ACER3: variants seen among roughly 807,000 people sequenced by gnomAD.
The protein encoded by ACER3 is alkCDase 3.
Under a neutral mutation model 48.9 loss-of-function variants are expected in ACER3, and 16 were observed. That is an observed-to-expected ratio of 0.33 (90% confidence interval 0.22 to 0.50). ACER3 has a LOEUF of 0.50. Among genes scored for constraint, ACER3 ranks in the 20% least tolerant of loss-of-function variants. ACER3 has a pLI of 0.98. For missense variants in ACER3, 227 were observed against 326.0 expected, an observed-to-expected ratio of 0.70 and a Z score of 2.34; for synonymous variants, 109 against 107.8, an observed-to-expected ratio of 1.01 and a Z score of -0.07.
intron 3 of ACER3, among the ~76,000 whole-genome samples, chr11:76,964,883 G>T (rs1948097174): frequency 6.6e-6 from 1 of 151,214 alleles, no homozygotes; most frequent in Non-Finnish European, 1.5e-5. Context: ...AGAAAAACTG[G>T]AAACTAAAAA....
chr11:76,956,684 CT>C (rs11368601), intron 2 of ACER3, among the ~76,000 whole-genome samples: 106 of 142,306 alleles, frequency 7.4e-4, no homozygotes, highest in Middle Eastern at 7.3e-3. Flanking sequence ...TCCCATCTCA[CT>C]TTTTTTTTTT....
chr11:76,873,457 A>T (rs913158439), intron 1 of ACER3, among the ~76,000 whole-genome samples: 1 of 152,242 alleles, frequency 6.6e-6, no homozygotes, highest in African/African-American at 2.4e-5. Flanking sequence ...CAGTAACAGT[A>T]GGCTGATAAC....
rs568414687 is a variant in ACER3, at chr11:76,913,657, A to G, written c.104-12900A>G. Among the ~76,000 whole-genome samples, 350 of 152,354 alleles carry G rather than the reference A, an allele frequency of 2.3e-3. 3 individuals carry two copies. The highest frequency in any genetic ancestry group is 0.01 in the Middle Eastern group (3 of 294). ...AATTTATAGATTCAATGCCATCCGC[A>G]TCAAGCTACCAATGACTTTCTTCAC... On this transcript the variant is annotated intron_variant, in intron 1 of 10. Coordinates refer to ENST00000532485, the MANE Select transcript of ACER3 (RefSeq NM_018367.7).
At chr11:76,949,750 T>C (rs1171978161) in intron 2 of ACER3, among the ~76,000 whole-genome samples, 1 of 152,188 alleles carries the variant, frequency 6.6e-6, no homozygotes. Flanking sequence ...TGAAAACTGT[T>C]CTATGGTGCT....
chr11:76,979,898 G>A (rs927803315), intron 4 of ACER3, among the ~76,000 whole-genome samples: 1 of 150,598 alleles, frequency 6.6e-6, no homozygotes, highest in Non-Finnish European at 1.5e-5. Context: ...CAGCACTTTT[G>A]GAGGCCAAGG....
At chr11:76,902,774 G>T (rs972771271) in intron 1 of ACER3, among the ~76,000 whole-genome samples, 1 of 152,192 alleles carries the variant, frequency 6.6e-6, no homozygotes, top group African/African-American at 2.4e-5. Context: ...CTCACAGGGA[G>T]ATGATTAGTA....
chr11:76,879,968 G>A (rs113209651), intron 1 of ACER3, among the ~76,000 whole-genome samples: 1 of 151,960 alleles, frequency 6.6e-6, no homozygotes, highest in African/African-American at 2.4e-5. Context: ...GAATATATTG[G>A]CATAAAATTA....
chr11:77,016,901 T>A, intron 9 of ACER3, 122 bp downstream of exon 9: 1 of 527,824 alleles, frequency 1.9e-6, no homozygotes, highest in Non-Finnish European at 3.2e-6. Flanking sequence ...GAAAATTAAA[T>A]AGTACACTCT....
chr11:76,881,113 C>T lies in ACER3; in HGVS notation c.103+20034C>T, dbSNP rs573607649. 3.2e-3 allele frequency among the ~76,000 whole-genome samples: 481 copies of T among 151,928 alleles called. 6 individuals carry two copies. Among genetic ancestry groups the T allele is most frequent in the African/African-American group, 0.011 (452 of 41,418 alleles). On this transcript the variant is annotated intron_variant, in intron 1 of 10. Transcript: ENST00000532485. The stretch of plus-strand genomic sequence containing the variant: ...CTACAAAAATAAAAGAAATTAGCCC[C>T]GCATGGTGGTGCACACCTGTAGTCC...
intron 2 of ACER3, among the ~76,000 whole-genome samples, chr11:76,929,972 G>T (rs11237018): frequency 0.72 from 108,113 of 149,746 alleles, 39,502 homozygotes; most frequent in African/African-American, 0.78. Context: ...ATTAGGATGA[G>T]GCTGGCCTCA....
intron 5 of ACER3, among the ~76,000 whole-genome samples, chr11:76,986,755 A>G (rs1948692608): frequency 6.6e-6 from 1 of 152,156 alleles, no homozygotes; most frequent in South Asian, 2.1e-4. Flanking sequence ...TGAGAGTTCA[A>G]ATATTTATCC....
At chr11:76,996,443 A>G (rs1226430666) in intron 6 of ACER3, among the ~76,000 whole-genome samples, 2 of 151,276 alleles carry the variant, frequency 1.3e-5, no homozygotes, top group Admixed American at 6.6e-5. Context: ...TTTGAGACAG[A>G]GTCTTGCTCT....
intron 1 of ACER3, among the ~76,000 whole-genome samples, chr11:76,911,585 C>T (rs895170001): frequency 3.6e-4 from 55 of 152,086 alleles, no homozygotes; most frequent in African/African-American, 1.3e-3. Flanking sequence ...TTTTATCCAG[C>T]CAGTATTCAA....
At chr11:76,989,592 A>T (rs1009993914) in intron 5 of ACER3, among the ~76,000 whole-genome samples, 5 of 152,344 alleles carry the variant, frequency 3.3e-5, no homozygotes, top group African/African-American at 1.2e-4. Flanking sequence ...AAAGAGCAGC[A>T]TGTTTAAAAA....
chr11:76,948,692 T>TA (rs1947550508), intron 2 of ACER3, among the ~76,000 whole-genome samples: 1 of 152,214 alleles, frequency 6.6e-6, no homozygotes, highest in Non-Finnish European at 1.5e-5. Context: ...CTAGGTCCCT[T>TA]CTTATGCATT....
At chr11:77,015,760 T>G (rs1374471480) in intron 8 of ACER3, among the ~76,000 whole-genome samples, 4 of 152,118 alleles carry the variant, frequency 2.6e-5, no homozygotes. Flanking sequence ...ATCAACAAAA[T>G]TCAGACTGTG....
At chr11:76,921,821 A>T (rs1946692321) in intron 1 of ACER3, among the ~76,000 whole-genome samples, 1 of 152,180 alleles carries the variant, frequency 6.6e-6, no homozygotes, top group Non-Finnish European at 1.5e-5. Context: ...AACTGCAGTT[A>T]CGTGTTCAGA....
intron 3 of ACER3, among the ~76,000 whole-genome samples, chr11:76,973,625 T>C (rs1209938414): frequency 1.3e-5 from 2 of 152,178 alleles, no homozygotes; most frequent in Non-Finnish European, 2.9e-5. Flanking sequence ...AGTTCTAGCA[T>C]GTGGGACACA....
intron 2 of ACER3, among the ~76,000 whole-genome samples, chr11:76,951,250 G>A (rs1054709762): frequency 1.3e-5 from 2 of 152,090 alleles, no homozygotes; most frequent in African/African-American, 4.8e-5. Context: ...GCTAACTTTG[G>A]TGGGATATTT....
Sources: allele counts gnomAD v4.1 joint callset (sites outside exome capture counted in the v4.1 genomes callset), GRCh38; gene constraint gnomAD v4.1.1; transcripts MANE v1.5; gene names NCBI Gene and HGNC (gene_info 2026-07-23, HGNC 2026-07-21).